Variants in NIPA1 observed in about 807,000 individuals in gnomAD.
NIPA1 encodes NIPA magnesium transporter 1, also known as magnesium transporter NIPA1.
In NIPA1, 13 loss-of-function variants were observed where a neutral mutation model predicts 23.9. The observed-to-expected ratio is 0.54, with a 90% CI of 0.35 to 0.87. NIPA1 has a LOEUF of 0.87. Among genes scored for constraint, NIPA1 ranks in the 40% least tolerant of loss-of-function variants. NIPA1 has a pLI of 0.01. For synonymous variants in NIPA1, 234 were observed against 202.9 expected (o/e 1.15, Z -1.30); for missense variants, 362 against 429.7 (o/e 0.84, Z 1.39).
In NIPA1 at chr15:22,786,705, G is replaced by C. The variant is rs780312828; in HGVS notation, c.49G>C (p.Gly17Arg). The C allele has an allele frequency of 8.6e-7, 1 of 1,158,662 alleles. No homozygotes were observed. The highest frequency in any genetic ancestry group is 2.6e-5 in the South Asian group (1 of 37,760). 71.8% of individuals were successfully genotyped at this position (1,158,662 alleles called of 1,614,324 possible). ...GGCGGCGGCGGCGGCGGCGGCGGCC[G>C]GGGAGGGGGCGCGTAGCCCGAGCCC... The part of the protein sequence containing the change: ...AAAAAAAAAA[G>R]EGARSPSPAA... The change falls in exon 1 of 5, where the codon GGG becomes CGG. Residue 17 changes from glycine (G) to arginine (R), a missense_variant. Physicochemically the swap from Gly to Arg is moderately radical, Grantham distance 125. This residue lies in a region of NIPA1 where 85 missense variants were observed against 57.7 expected (regional missense o/e 1.47). Coordinates refer to ENST00000337435, the MANE Select transcript of NIPA1 (RefSeq NM_144599.5).
chr15:22,821,926 A>C (rs759351127), intron 4 of NIPA1, among the ~76,000 whole-genome samples: 29 of 152,336 alleles, frequency 1.9e-4, no homozygotes, highest in Non-Finnish European at 3.7e-4. Flanking sequence ...AAATACCAGG[A>C]CAATACTTTA....
chr15:22,799,487 A>C (rs972466082), intron 1 of NIPA1, among the ~76,000 whole-genome samples: 1 of 152,058 alleles, frequency 6.6e-6, no homozygotes, highest in African/African-American at 2.4e-5. Context: ...TCTAAAAAAA[A>C]TACAAAAATT....
At chr15:22,803,675 ATT>A (rs34811722) in intron 1 of NIPA1, among the ~76,000 whole-genome samples, 4,329 of 71,006 alleles carry the variant, frequency 0.061, 239 homozygotes, top group African/African-American at 0.18. Flanking sequence ...GGCCCGGCTA[ATT>A]TTTTTTTTTT....
chr15:22,795,251 T>G (rs1363164404), intron 1 of NIPA1, among the ~76,000 whole-genome samples: 6 of 151,932 alleles, frequency 3.9e-5, no homozygotes, highest in Non-Finnish European at 8.8e-5. Flanking sequence ...CAGCCTGTGC[T>G]TGGTTTCCTT....
At chr15:22,808,623 G>A (rs1459489899) in intron 1 of NIPA1, among the ~76,000 whole-genome samples, 1 of 151,232 alleles carries the variant, frequency 6.6e-6, no homozygotes, top group African/African-American at 2.4e-5. Flanking sequence ...TTTAGTATCC[G>A]TTAATGATTC....
chr15:22,810,833 T>C (rs1194972870), intron 2 of NIPA1, 37 bp downstream of exon 2: 1 of 1,540,382 alleles, frequency 6.5e-7, no homozygotes, highest in Admixed American at 1.7e-5. Flanking sequence ...GTCTTTTCCT[T>C]TCTTAGAATC....
At chr15:22,801,122 T>G (rs1043370410) in intron 1 of NIPA1, among the ~76,000 whole-genome samples, 5 of 151,868 alleles carry the variant, frequency 3.3e-5, no homozygotes, top group African/African-American at 1.2e-4. Flanking sequence ...ACCCCATGTA[T>G]GTCAGTTTAT....
chr15:22,804,197 C>T (rs181185240), intron 1 of NIPA1, among the ~76,000 whole-genome samples: 9 of 151,874 alleles, frequency 5.9e-5, no homozygotes, highest in East Asian at 5.8e-4. Context: ...AGGCTGGTGT[C>T]GAACCCCTGA....
chr15:22,788,805 G>C (rs989579356), intron 1 of NIPA1, among the ~76,000 whole-genome samples: 8 of 150,298 alleles, frequency 5.3e-5, no homozygotes, highest in Non-Finnish European at 1.2e-4. Context: ...TGTAATCCCA[G>C]CTACTCGGGA....
intron 1 of NIPA1, among the ~76,000 whole-genome samples, chr15:22,807,804 G>GTGTGT (rs1895240688): frequency 1.3e-5 from 2 of 150,704 alleles, no homozygotes; most frequent in Non-Finnish European, 1.5e-5. Context: ...GTGTGTGTGT[G>GTGTGT]ATGGAGTCTC....
intron 4 of NIPA1, among the ~76,000 whole-genome samples, chr15:22,822,451 T>C (rs1235942129): frequency 6.6e-6 from 1 of 152,164 alleles, no homozygotes; most frequent in Non-Finnish European, 1.5e-5. Context: ...TCCTCCCTCC[T>C]GTCCCCTGCC....
intron 4 of NIPA1, among the ~76,000 whole-genome samples, chr15:22,821,375 T>C (rs772154498): frequency 6.6e-6 from 1 of 152,228 alleles, no homozygotes; most frequent in Non-Finnish European, 1.5e-5. Flanking sequence ...CCAACAAGTT[T>C]AGGCAGGTTC....
intron 1 of NIPA1, among the ~76,000 whole-genome samples, chr15:22,788,927 A>AAAAAAAAAAAAAT (rs1894770592): frequency 6.6e-6 from 1 of 150,932 alleles, no homozygotes; most frequent in Admixed American, 6.6e-5. Context: ...CTTAAAAAAA[A>AAAAAAAAAAAAAT]AAAAAAAAAA....
At chr15:22,789,827 C>T (rs1043632929) in intron 1 of NIPA1, among the ~76,000 whole-genome samples, 3 of 151,986 alleles carry the variant, frequency 2.0e-5, no homozygotes, top group Non-Finnish European at 4.4e-5. Flanking sequence ...TGGAGTCTAG[C>T]TCTGTCACCC....
intron 1 of NIPA1, among the ~76,000 whole-genome samples, chr15:22,805,506 G>A (rs1031023748): frequency 1.3e-5 from 2 of 152,080 alleles, no homozygotes; most frequent in African/African-American, 2.4e-5. Context: ...GACCAATATG[G>A]TGAAACCCTG....
Position 22,812,190 on chromosome 15 carries a change from T to A in NIPA1, c.254T>A (p.Leu85Gln). Reference protein sequence around the residue: ...AMAVGQIGNFLAYTAVPTVLV... With the variant: ...AMAVGQIGNFQAYTAVPTVLV... ...GCTGTTGGCCAGATTGGAAACTTCC[T>A]GGCTTACACGGCGGTCCCCACGGTC... is the stretch of plus-strand genomic sequence containing the variant. The change falls in exon 3 of 5, where the codon CTG becomes CAG. Residue 85 changes from leucine to glutamine, a missense_variant. Leu to Gln is a moderately radical substitution (Grantham distance 113). Transcript: ENST00000337435. The A allele has an allele frequency of 1.9e-6, 3 of 1,613,722 alleles. No individual in the cohort carries two copies. The highest frequency in any genetic ancestry group is 2.5e-6 in the Non-Finnish European group (3 of 1,179,758).
rs545419979 is a variant in NIPA1, at chr15:22,792,729, G to T, written c.178+5895G>T. Reference sequence around the variant, plus strand: ...AGCACTTTAGGAGGCCGAGGCAGGTGGATCGCCTGAGGTCAGGTGTTTGAG... The same window carrying T: ...AGCACTTTAGGAGGCCGAGGCAGGTTGATCGCCTGAGGTCAGGTGTTTGAG... On this transcript the variant is annotated intron_variant, in intron 1 of 4. Coordinates refer to ENST00000337435, the MANE Select transcript of NIPA1 (RefSeq NM_144599.5). 1.9e-4 allele frequency among the ~76,000 whole-genome samples: 29 copies of T among 152,208 alleles called. No homozygotes were observed. In the East Asian group the frequency reaches 5.4e-3, roughly 29 times the overall value.
intron 1 of NIPA1, among the ~76,000 whole-genome samples, chr15:22,808,409 T>C (rs1895255419): frequency 6.6e-6 from 1 of 152,110 alleles, no homozygotes; most frequent in African/African-American, 2.4e-5. Context: ...GGCTGTCTTC[T>C]CCAGTGGAGC....
chr15:22,813,791 A>G, intron 3 of NIPA1: 1 of 431,622 alleles, frequency 2.3e-6, no homozygotes, highest in South Asian at 1.7e-5. Context: ...TCTCGTGAAC[A>G]CATACACTGC....
Sources: gnomAD v4.1 joint callset for allele counts (sites outside exome capture counted in the v4.1 genomes callset) on GRCh38, gnomAD v4.1.1 for gene constraint, gnomAD v4.1.1 regional missense constraint, MANE v1.5 for transcripts, NCBI Gene and HGNC (gene_info 2026-07-23, HGNC 2026-07-21) for gene names.